Variants in ZNF207 observed in about 807,000 individuals in gnomAD.
ZNF207 encodes the protein BUB3-interacting and GLEBS motif-containing protein ZNF207.
ZNF207 carries 24 observed loss-of-function variants against 60.2 expected under a neutral mutation model. The ratio of observed to expected loss-of-function variants is 0.40; its 90% confidence interval spans 0.29 to 0.56. ZNF207 has a LOEUF of 0.56. Among genes scored for constraint, ZNF207 ranks in the 20% least tolerant of loss-of-function variants. The probability of loss-of-function intolerance (pLI) is 0.49; values close to 1 mark genes in which losing one functional copy is unlikely to be tolerated. For synonymous variants in ZNF207, 236 were observed against 194.7 expected (o/e 1.21, Z -1.77); for missense variants, 452 against 636.6 (o/e 0.71, Z 3.12).
At chr17:32,355,083 G>C (rs1269565957) in intron 2 of ZNF207, among the ~76,000 whole-genome samples, 1 of 152,176 alleles carries the variant, frequency 6.6e-6, no homozygotes, top group Non-Finnish European at 1.5e-5. Flanking sequence ...GGAGTTAAGG[G>C]TGGTCTCAAG....
Position 32,381,742 on chromosome 17 carries a change from T to A in ZNF207, c.*11983T>A, listed in dbSNP as rs1054461409. ...TGAAGCCTGAAGTTATTTTTTAGTT[T>A]GTTTTCATCTAAAAGTGGAAAGATT... On this transcript the variant is annotated 3_prime_UTR_variant, in exon 12 of 12. Transcript: ENST00000394670. 2.0e-5 allele frequency: 3 copies of A among 152,226 alleles called. No individual in the cohort carries two copies. The highest frequency in any genetic ancestry group is 2.0e-4 in the Admixed American group (3 of 15,286). 9.4% of individuals were successfully genotyped at this position (152,226 alleles called of 1,614,324 possible).
rs182822394 is a variant in ZNF207 at position 32,378,613 on chromosome 17, G to A, written c.*8854G>A. ...ATACTGAAAGTTGACTACTCATCAA[G>A]AAATGTAGCTAGATTCTTTATGTAA... On this transcript the variant is annotated 3_prime_UTR_variant, in exon 12 of 12. Transcript: ENST00000394670. 2.6e-5 allele frequency: 4 copies of A among 151,906 alleles called. No homozygotes were observed. The highest frequency in any genetic ancestry group is 2.6e-4 in the Admixed American group (4 of 15,250). 9.4% of individuals were successfully genotyped at this position (151,906 alleles called of 1,614,324 possible). A position where few individuals can be genotyped will look rare whatever the true frequency, so the allele number is the denominator to read the frequency against.
chr17:32,361,182 C>T (rs1237595748), intron 5 of ZNF207: 2 of 599,978 alleles, frequency 3.3e-6, no homozygotes, highest in Non-Finnish European at 5.8e-6. Flanking sequence ...TATATGTAAG[C>T]AACCATCTAC....
chr17:32,360,265 G>A (rs903584611), intron 3 of ZNF207, among the ~76,000 whole-genome samples: 3 of 149,588 alleles, frequency 2.0e-5, no homozygotes, highest in Admixed American at 1.4e-4. Context: ...CGGGAGGATC[G>A]CTTCAGCCCA....
In ZNF207 at chr17:32,375,265, TG is replaced by T. The variant is rs1905637815; in HGVS notation, c.*5508del. ...TTGCTTCCATGACAAAATATCCCAT[TG>T]GACTATTTTATAACCTCAGTAATCA... On this transcript the variant is annotated 3_prime_UTR_variant, in exon 12 of 12. Coordinates refer to ENST00000394670, the MANE Select transcript of ZNF207 (RefSeq NM_001098507.2). The T allele has an allele frequency of 6.6e-6, 1 of 152,222 alleles. No homozygotes were observed. The highest frequency in any genetic ancestry group is 1.5e-5 in the Non-Finnish European group (1 of 68,016). 9.4% of individuals were successfully genotyped at this position (152,222 alleles called of 1,614,324 possible).
intron 2 of ZNF207, among the ~76,000 whole-genome samples, chr17:32,357,898 G>A (rs1379276562): frequency 1.3e-5 from 2 of 151,892 alleles, no homozygotes; most frequent in Admixed American, 1.3e-4. Context: ...TGCCTCCTCA[G>A]CCTCCCCAGT....
chr17:32,366,397 TATC>T lies in ZNF207; in HGVS notation c.829-265_829-263del, dbSNP rs1905164451. Among the ~76,000 whole-genome samples, 3 of 152,210 alleles carry T rather than the reference TATC, an allele frequency of 2.0e-5. 1 individual carries two copies. In the South Asian group the frequency reaches 6.2e-4, roughly 32 times the overall value. ...GTACATCGTTATTCTCAGTTTCAGG[TATC>T]ATTCTTGAAATAATGCAAAACAGTA... On this transcript the variant is annotated intron_variant, in intron 8 of 11. Transcript: ENST00000394670.
Position 32,354,631 on chromosome 17 carries a change from T to C in ZNF207, c.168+2719T>C, listed in dbSNP as rs180836773. 1.9e-3 allele frequency among the ~76,000 whole-genome samples: 296 copies of C among 151,952 alleles called. 2 individuals carry two copies. The highest frequency in any genetic ancestry group is 6.9e-3 in the African/African-American group (288 of 41,440). ...GGCCTCTATTAGACTTTTTTTTTTT[T>C]CTTGAGACGGAGTCTCTTTCGTCCA... On this transcript the variant is annotated intron_variant, in intron 2 of 11. Transcript: ENST00000394670.
chr17:32,381,110 T>C lies in ZNF207; in HGVS notation c.*11351T>C, dbSNP rs927644346. On this transcript the variant is annotated 3_prime_UTR_variant, in exon 12 of 12. Transcript: ENST00000394670. The stretch of plus-strand genomic sequence containing the variant: ...TGATTATTTCTGAGGAAAAGGTCCA[T>C]TTATTTCCAAACTAGTCTGTAGTGG... 1 of 152,278 alleles carries C rather than the reference T, an allele frequency of 6.6e-6. No individual in the cohort carries two copies. Among genetic ancestry groups the C allele is most frequent in the Non-Finnish European group, 1.5e-5 (1 of 68,054 alleles). The allele number at this position is 152,278 out of a possible 1,614,324, so 9.4% of individuals were successfully genotyped here.
In ZNF207 at chr17:32,373,258, G is replaced by A. The variant is rs879075311; in HGVS notation, c.*3499G>A. The A allele has an allele frequency of 6.0e-5, 30 of 497,940 alleles. No individual in the cohort carries two copies. The South Asian group carries it at 9.5e-4, about 16-fold the overall frequency. The allele number at this position is 497,940 out of a possible 1,614,324, so 30.8% of individuals were successfully genotyped here. On this transcript the variant is annotated 3_prime_UTR_variant, in exon 12 of 12. Coordinates refer to ENST00000394670, the MANE Select transcript of ZNF207 (RefSeq NM_001098507.2). ...AGAAGTACGGGCTCAGAGTGGAATTGTAGTGGACAATAGTTAAAAACAAAG... is the reference window on the plus strand; with the variant it reads ...AGAAGTACGGGCTCAGAGTGGAATTATAGTGGACAATAGTTAAAAACAAAG...
intron 2 of ZNF207, among the ~76,000 whole-genome samples, chr17:32,357,450 G>A (rs1904605569): frequency 6.7e-6 from 1 of 149,978 alleles, no homozygotes. Context: ...CCGTGTTCAA[G>A]CGATTCTTCT....
rs1402227651 is a variant in ZNF207 at position 32,381,166 on chromosome 17, A to T, written c.*11407A>T. 6.6e-6 allele frequency: 1 copy of T among 152,210 alleles called. No homozygotes were observed. Among genetic ancestry groups the T allele is most frequent in the Non-Finnish European group, 1.5e-5 (1 of 68,042 alleles). The allele number at this position is 152,210 out of a possible 1,614,324, so 9.4% of individuals were successfully genotyped here. ...AGTAAGCATTATTTTATGAAGTGGTACAAGATTGCAAAGGTTAGTAAAGGG... is the reference window on the plus strand; with the variant it reads ...AGTAAGCATTATTTTATGAAGTGGTTCAAGATTGCAAAGGTTAGTAAAGGG... On this transcript the variant is annotated 3_prime_UTR_variant, in exon 12 of 12. Coordinates refer to ENST00000394670, the MANE Select transcript of ZNF207 (RefSeq NM_001098507.2).
At position 32,367,937 on chromosome 17, in the gene ZNF207, A is replaced by G. The variant is rs375564221; in HGVS notation, c.1087A>G (p.Ile363Val). Reference protein sequence around the residue: ...NSTAAKPAASITSKPATLTTT... With the variant: ...NSTAAKPAASVTSKPATLTTT... ...TACTGCAGCTAAACCAGCGGCTTCA[A>G]TAACAAGTAAGCCTGCTACACTTAC... The change falls in exon 10 of 12, where the codon ATA becomes GTA. Residue 363 changes from isoleucine to valine, a missense_variant. This residue lies in a region of ZNF207 where 390 missense variants were observed against 461.4 expected (regional missense o/e 0.85). Transcript: ENST00000394670. 3.2e-5 allele frequency: 52 copies of G among 1,614,098 alleles called. No individual in the cohort carries two copies. Among genetic ancestry groups the G allele is most frequent in the African/African-American group, 2.0e-4 (15 of 74,942 alleles).
chr17:32,358,402 G>C (rs1444115246), intron 2 of ZNF207, 101 bp from the exon 3 acceptor site: 2 of 1,159,360 alleles, frequency 1.7e-6, no homozygotes, highest in Non-Finnish European at 2.3e-6. Flanking sequence ...GCTCTACATG[G>C]CCTCACTATA....
chr17:32,361,148 G>C (rs1904859884), intron 5 of ZNF207, 181 bp downstream of exon 5: 2 of 704,834 alleles, frequency 2.8e-6, no homozygotes, highest in African/African-American at 1.8e-5. Context: ...TTGCCTCTGA[G>C]TAATAGATTT....
chr17:32,360,181 C>CCCT (rs1555606175), intron 3 of ZNF207, among the ~76,000 whole-genome samples: 2 of 109,804 alleles, frequency 1.8e-5, no homozygotes, highest in African/African-American at 6.9e-5. Context: ...CCTTTACCCC[C>CCCT]CCCCCAAAAA....
At chr17:32,368,273 ACT>A (rs1905291266) in intron 10 of ZNF207, 10 of 469,088 alleles carry the variant, frequency 2.1e-5, no homozygotes, top group South Asian at 1.6e-4. Flanking sequence ...CAGGTTCTTA[ACT>A]CTCTTAAAAA....
In ZNF207 at chr17:32,380,098, A is replaced by G. The variant is rs573169179; in HGVS notation, c.*10339A>G. The G allele has an allele frequency of 1.3e-5, 2 of 152,748 alleles. No individual in the cohort carries two copies. Among genetic ancestry groups the G allele is most frequent in the Non-Finnish European group, 2.9e-5 (2 of 68,028 alleles). 9.5% of individuals were successfully genotyped at this position (152,748 alleles called of 1,614,324 possible). The stretch of plus-strand genomic sequence containing the variant: ...ATTCTTCTAGATAAGCACTAAACAA[A>G]GTATGGACCCTCAATTTATGTCTTT... On this transcript the variant is annotated 3_prime_UTR_variant, in exon 12 of 12. Coordinates refer to ENST00000394670, the MANE Select transcript of ZNF207 (RefSeq NM_001098507.2).
Position 32,374,975 on chromosome 17 carries a change from G to T in ZNF207, c.*5216G>T, listed in dbSNP as rs1202479694. On this transcript the variant is annotated 3_prime_UTR_variant, in exon 12 of 12. Coordinates refer to ENST00000394670, the MANE Select transcript of ZNF207 (RefSeq NM_001098507.2). The stretch of plus-strand genomic sequence containing the variant: ...TGTGTTTGTTGTAGGGAATAATTAG[G>T]GAATTGGAAGAGAGGCCAAAAACAA... 6.6e-6 allele frequency: 1 copy of T among 152,122 alleles called. No individual in the cohort carries two copies. Among genetic ancestry groups the T allele is most frequent in the East Asian group, 1.9e-4 (1 of 5,204 alleles). The allele number at this position is 152,122 out of a possible 1,614,324, so 9.4% of individuals were successfully genotyped here. A position where few individuals can be genotyped will look rare whatever the true frequency, so the allele number is the denominator to read the frequency against.
Sources: allele counts gnomAD v4.1 joint callset (sites outside exome capture counted in the v4.1 genomes callset), GRCh38; gene constraint gnomAD v4.1.1; regional missense constraint gnomAD v4.1.1; transcripts MANE v1.5; gene names NCBI Gene and HGNC (gene_info 2026-07-23, HGNC 2026-07-21).